Variants in FKBP15 observed in about 807,000 individuals in gnomAD.
The protein encoded by FKBP15 is FK506-binding protein 15.
Under a neutral mutation model 158.1 loss-of-function variants are expected in FKBP15, and 106 were observed. The observed-to-expected ratio is 0.67, with a 90% CI of 0.57 to 0.79. FKBP15 has a LOEUF of 0.79. Ranked by LOEUF, FKBP15 falls within the 30% of genes least tolerant of loss-of-function variation. FKBP15 has a pLI of 0.00. For missense variants in FKBP15, 1,287 were observed against 1,479.1 expected (o/e 0.87, Z 2.13); for synonymous variants, 547 against 548.6 (o/e 1.00, Z 0.04).
At chr9:113,177,928 A>C (rs1587954375) in intron 20 of FKBP15, among the ~76,000 whole-genome samples, 1 of 152,232 alleles carries the variant, frequency 6.6e-6, no homozygotes, top group Non-Finnish European at 1.5e-5. Flanking sequence ...AGATGAGCAA[A>C]ACACCATGCT....
intron 1 of FKBP15, among the ~76,000 whole-genome samples, chr9:113,217,216 T>TG (rs1160229060): frequency 1.4e-5 from 2 of 144,590 alleles, no homozygotes; most frequent in African/African-American, 2.6e-5. Flanking sequence ...TTTTTTTTTT[T>TG]TTTTTTTTTT....
intron 25 of FKBP15, 42 bp from the exon 26 acceptor site, chr9:113,169,984 C>T: frequency 6.7e-7 from 1 of 1,491,514 alleles, no homozygotes; most frequent in Non-Finnish European, 8.9e-7. Flanking sequence ...GAAAGGAACA[C>T]AGTAGCCACT....
chr9:113,190,431 C>T (rs1184886645), intron 12 of FKBP15, 40 bp downstream of exon 12: 3 of 1,441,418 alleles, frequency 2.1e-6, no homozygotes, highest in South Asian at 2.4e-5. Context: ...ATGATGGCGA[C>T]ATCTGTACTA....
Position 113,161,077 on chromosome 9 carries a change from AAGTT to A in FKBP15, c.*4997_*5000del, listed in dbSNP as rs1193542240. ...TAATATATATAAAAGAAACCTTAGA[AAGTT>A]AGGCAAGAACATAAAAACCACCTGT... On this transcript the variant is annotated 3_prime_UTR_variant, in exon 28 of 28. Transcript: ENST00000238256. 2 of 156,220 alleles carry A rather than the reference AAGTT, an allele frequency of 1.3e-5. No homozygotes were observed. Among genetic ancestry groups the A allele is most frequent in the South Asian group, 2.0e-4 (1 of 5,038 alleles). 9.7% of individuals were successfully genotyped at this position (156,220 alleles called of 1,614,324 possible).
In FKBP15 at chr9:113,198,733, C is replaced by G; in HGVS notation, c.717+122G>C. The G allele has an allele frequency of 1.4e-6, 1 of 728,632 alleles. No individual in the cohort carries two copies. The highest frequency in any genetic ancestry group is 2.9e-5 in the East Asian group (1 of 34,318). The allele number at this position is 728,632 out of a possible 1,614,324, so 45.1% of individuals were successfully genotyped here. A position where few individuals can be genotyped will look rare whatever the true frequency, so the allele number is the denominator to read the frequency against. ...TGCCATTGCACTCCAGCTTGAACAA[C>G]AAGAGCGAAACTCCGTCTCAAAAAA... On this transcript the variant is annotated intron_variant, in intron 8 of 27. Transcript: ENST00000238256. The surrounding 1 kb of genome is among the most constrained non-coding windows in gnomAD (Gnocchi z 5.2).
intron 17 of FKBP15, 113 bp from the exon 18 acceptor site, chr9:113,183,958 CACTAGAACTT>C: frequency 1.3e-6 from 1 of 756,638 alleles, no homozygotes; most frequent in Non-Finnish European, 2.2e-6. Flanking sequence ...TGAGACAAAA[CACTAGAACTT>C]ATGTCCACAT....
In FKBP15 at chr9:113,168,464, TC is replaced by T; in HGVS notation, c.3577del (p.Glu1193ArgfsTer2). 1 of 1,613,862 alleles carries T rather than the reference TC, an allele frequency of 6.2e-7. No homozygotes were observed. Among genetic ancestry groups the T allele is most frequent in the South Asian group, 1.1e-5 (1 of 91,084 alleles). On this transcript the variant is annotated frameshift_variant, in exon 27 of 28. Transcript: ENST00000238256. LOFTEE classifies it high-confidence loss of function. ...CAGTGCCTGGGATTTCCTTACCACC[TC>T]GTCTTCATCCTCCTCCTCAGGCTGT... ...KAQPEEEDED[E>X]VSMKGRPPPT...
In FKBP15 at chr9:113,164,404, T is replaced by C. The variant is rs1186541768; in HGVS notation, c.*1674A>G. 6.6e-6 allele frequency: 1 copy of C among 152,242 alleles called. No homozygotes were observed. Among genetic ancestry groups the C allele is most frequent in the African/African-American group, 2.4e-5 (1 of 41,452 alleles). The allele number at this position is 152,242 out of a possible 1,614,324, so 9.4% of individuals were successfully genotyped here. On this transcript the variant is annotated 3_prime_UTR_variant, in exon 28 of 28. Transcript: ENST00000238256. Reference sequence around the variant, plus strand: ...ACAAGTATTAATTGAGTACATGCTATAAGAAAAGTAACTGTCACACGGACT... The same window carrying C: ...ACAAGTATTAATTGAGTACATGCTACAAGAAAAGTAACTGTCACACGGACT...
chr9:113,161,601 G>A lies in FKBP15; in HGVS notation c.*4477C>T. On this transcript the variant is annotated 3_prime_UTR_variant, in exon 28 of 28. Coordinates refer to ENST00000238256, the MANE Select transcript of FKBP15 (RefSeq NM_015258.2). ...AGCCAAGCTGCTCAACCAGGTACTGGTGAACCTGCCAACCTCCATCAGCCA... is the reference window on the plus strand; with the variant it reads ...AGCCAAGCTGCTCAACCAGGTACTGATGAACCTGCCAACCTCCATCAGCCA... The A allele has an allele frequency of 6.2e-7, 1 of 1,614,032 alleles. No individual in the cohort carries two copies. Among genetic ancestry groups the A allele is most frequent in the East Asian group, 2.2e-5 (1 of 44,882 alleles).
rs771712098 is a variant in FKBP15 at position 113,170,593 on chromosome 9, G to A, written c.2695C>T (p.Arg899Trp). 1.1e-5 allele frequency: 17 copies of A among 1,613,614 alleles called. No homozygotes were observed. Among genetic ancestry groups the A allele is most frequent in the Non-Finnish European group, 1.3e-5 (15 of 1,179,686 alleles). Residue 899 changes from arginine to tryptophan, a missense_variant, in exon 25 of 28, where the codon CGG (arginine) becomes TGG (tryptophan). Coordinates refer to ENST00000238256, the MANE Select transcript of FKBP15 (RefSeq NM_015258.2). ...KIMNQVFQSL[R>W]REFELEESYN... ...GATTCCTCCAGCTCAAACTCTCTCC[G>A]TAAGGACTGGAACACCTGGTTCATG...
chr9:113,195,511 C>T (rs1051967380), intron 9 of FKBP15, among the ~76,000 whole-genome samples: 2 of 151,990 alleles, frequency 1.3e-5, no homozygotes, highest in South Asian at 2.1e-4. Flanking sequence ...GGCAGCAGGG[C>T]GTATGTCATT....
At chr9:113,170,236 C>T (rs1830181730) in intron 25 of FKBP15, among the ~76,000 whole-genome samples, 1 of 152,094 alleles carries the variant, frequency 6.6e-6, no homozygotes, top group Non-Finnish European at 1.5e-5. Context: ...AGTGATTCTC[C>T]TGCCTCAGCC....
chr9:113,166,486 G>A (rs1457844153), intron 27 of FKBP15, among the ~76,000 whole-genome samples: 1 of 152,262 alleles, frequency 6.6e-6, no homozygotes, highest in African/African-American at 2.4e-5. Context: ...AAGGGTCAAA[G>A]AGGAAACACT....
intron 14 of FKBP15, 188 bp downstream of exon 14, chr9:113,187,605 G>A (rs922341017): frequency 1.2e-5 from 7 of 587,010 alleles, no homozygotes; most frequent in Non-Finnish European, 2.2e-5. Flanking sequence ...TAATCTTTAT[G>A]ACACTGGAAC....
chr9:113,201,091 T>G (rs1312568767), intron 6 of FKBP15, among the ~76,000 whole-genome samples: 1 of 141,318 alleles, frequency 7.1e-6, no homozygotes, highest in Non-Finnish European at 1.5e-5. Context: ...ATAAAAACAA[T>G]GAGGCATCAT....
intron 1 of FKBP15, among the ~76,000 whole-genome samples, chr9:113,218,377 T>TTATATATA (rs10539484): frequency 0.017 from 1,762 of 100,902 alleles, 43 homozygotes; most frequent in Middle Eastern, 0.026. Context: ...GTAAATACAA[T>TTATATATA]TATATATATA....
At chr9:113,188,868 C>T (rs1830527450) in intron 12 of FKBP15, among the ~76,000 whole-genome samples, 1 of 152,134 alleles carries the variant, frequency 6.6e-6, no homozygotes, top group Non-Finnish European at 1.5e-5. Context: ...TGGTCTTTTG[C>T]AAGAAATAAT....
At chr9:113,215,591 AAT>A (rs1489546256) in intron 1 of FKBP15, among the ~76,000 whole-genome samples, 1 of 144,230 alleles carries the variant, frequency 6.9e-6, no homozygotes, top group African/African-American at 2.6e-5. Context: ...CATATGTGTG[AAT>A]ATATATGTGT....
At position 113,202,950 on chromosome 9, in the gene FKBP15, T is replaced by C; in HGVS notation, c.399+11A>G. On this transcript the variant is annotated intron_variant, in intron 5 of 27. Coordinates refer to ENST00000238256, the MANE Select transcript of FKBP15 (RefSeq NM_015258.2). ...GAAGGAGCTAATGATTCCAATATGA[T>C]GAAGTCTTACCATTAGCTCAAAGTT... 1 of 1,603,056 alleles carries C rather than the reference T, an allele frequency of 6.2e-7. No homozygotes were observed. Among genetic ancestry groups the C allele is most frequent in the Non-Finnish European group, 8.5e-7 (1 of 1,171,190 alleles).
Sources: allele counts gnomAD v4.1 joint callset (sites outside exome capture counted in the v4.1 genomes callset), GRCh38; gene constraint gnomAD v4.1.1; non-coding constraint Gnocchi (gnomAD v3.1); transcripts MANE v1.5; gene names NCBI Gene and HGNC (gene_info 2026-07-23, HGNC 2026-07-21).